The following SLC35F1 variants were observed in gnomAD, a reference collection of about 807,000 sequenced individuals.
The protein encoded by SLC35F1 is solute carrier family 35 member F1.
SLC35F1 carries 14 observed loss-of-function variants against 48.7 expected under a neutral mutation model. The observed-to-expected ratio is 0.29, with a 90% CI of 0.19 to 0.45. The LOEUF (loss-of-function observed/expected upper bound fraction) is 0.45, where lower values mean the gene tolerates loss of function less well. Among genes scored for constraint, SLC35F1 ranks in the 20% least tolerant of loss-of-function variants. SLC35F1 has a pLI of 1.00. For missense variants in SLC35F1, 404 were observed against 500.0 expected (o/e 0.81, Z 1.83); for synonymous variants, 190 against 202.2 (o/e 0.94, Z 0.51).
intron 4 of SLC35F1, among the ~76,000 whole-genome samples, chr6:118,268,777 T>G (rs1446580822): frequency 6.6e-6 from 1 of 151,586 alleles, no homozygotes; most frequent in East Asian, 1.9e-4. Context: ...ACCCAGCTAA[T>G]TTTTGTATTT....
chr6:117,989,999 A>G (rs968032428), intron 1 of SLC35F1, among the ~76,000 whole-genome samples: 5 of 152,136 alleles, frequency 3.3e-5, no homozygotes, highest in East Asian at 1.9e-4. Context: ...CCAACTTAGC[A>G]TATCGTCCTG....
intron 1 of SLC35F1, among the ~76,000 whole-genome samples, chr6:117,933,525 C>T (rs759928217): frequency 1.3e-5 from 2 of 152,138 alleles, no homozygotes; most frequent in Admixed American, 6.5e-5. Context: ...TATAAATCCA[C>T]GTAAATTATT....
intron 1 of SLC35F1, among the ~76,000 whole-genome samples, chr6:118,026,793 C>A (rs890840004): frequency 2.0e-5 from 3 of 152,054 alleles, no homozygotes; most frequent in African/African-American, 4.8e-5. Context: ...AAAAAGAAGC[C>A]TTGGTTTTTT....
intron 1 of SLC35F1, among the ~76,000 whole-genome samples, chr6:118,067,082 A>C (rs886315519): frequency 6.6e-6 from 1 of 152,196 alleles, no homozygotes; most frequent in Non-Finnish European, 1.5e-5. Flanking sequence ...TAAAGTTCAA[A>C]CATATTTTAA....
intron 1 of SLC35F1, among the ~76,000 whole-genome samples, chr6:117,923,484 A>T (rs543004177): frequency 5.3e-5 from 4 of 76,050 alleles, no homozygotes; most frequent in Admixed American, 2.0e-4. Flanking sequence ...ACATACATGT[A>T]TATATATATA....
intron 1 of SLC35F1, among the ~76,000 whole-genome samples, chr6:117,994,958 A>T (rs1182428038): frequency 1.3e-5 from 2 of 152,198 alleles, no homozygotes; most frequent in African/African-American, 2.4e-5. Context: ...TGTAACTGAC[A>T]TTTCAATCTG....
intron 2 of SLC35F1, among the ~76,000 whole-genome samples, chr6:118,199,032 C>G (rs2114533080): frequency 6.6e-6 from 1 of 152,276 alleles, no homozygotes; most frequent in African/African-American, 2.4e-5. Flanking sequence ...CAGATGGATT[C>G]TTATTTACAC....
intron 7 of SLC35F1, among the ~76,000 whole-genome samples, chr6:118,291,401 C>T (rs977008210): frequency 1.7e-4 from 26 of 152,160 alleles, no homozygotes; most frequent in African/African-American, 6.0e-4. Context: ...AAATTGGTCA[C>T]TTGTCTTTTT....
At chr6:118,201,205 T>G (rs914069283) in intron 2 of SLC35F1, among the ~76,000 whole-genome samples, 8 of 152,194 alleles carry the variant, frequency 5.3e-5, no homozygotes, top group African/African-American at 1.9e-4. Flanking sequence ...AAAAAGATTC[T>G]CTGTGCCAAA....
intron 3 of SLC35F1, among the ~76,000 whole-genome samples, chr6:118,241,960 T>C (rs1437012362): frequency 6.6e-6 from 1 of 152,244 alleles, no homozygotes. Flanking sequence ...AGAATTTGTT[T>C]AACTATTTAC....
At chr6:118,190,091 T>C (rs1774711765) in intron 2 of SLC35F1, among the ~76,000 whole-genome samples, 1 of 152,204 alleles carries the variant, frequency 6.6e-6, no homozygotes, top group South Asian at 2.1e-4. Context: ...GCTTTAACAA[T>C]TCCCCCCTTT....
chr6:118,162,852 G>GCTTA (rs1774258110), intron 2 of SLC35F1, among the ~76,000 whole-genome samples: 1 of 152,122 alleles, frequency 6.6e-6, no homozygotes, highest in Admixed American at 6.5e-5. Flanking sequence ...TGCTTACAGT[G>GCTTA]CTTACAGGGT....
intron 1 of SLC35F1, among the ~76,000 whole-genome samples, chr6:118,080,626 G>A (rs1772893850): frequency 6.6e-6 from 1 of 152,172 alleles, no homozygotes; most frequent in East Asian, 1.9e-4. Context: ...AGCTATTAGA[G>A]GCTAAGCCAG....
intron 1 of SLC35F1, among the ~76,000 whole-genome samples, chr6:118,134,868 T>C (rs926407023): frequency 6.6e-6 from 1 of 152,172 alleles, no homozygotes; most frequent in African/African-American, 2.4e-5. Flanking sequence ...TGCTGCCTCC[T>C]CCTCCCCTTC....
At chr6:118,026,651 A>T (rs893161824) in intron 1 of SLC35F1, among the ~76,000 whole-genome samples, 1 of 152,168 alleles carries the variant, frequency 6.6e-6, no homozygotes, top group Non-Finnish European at 1.5e-5. Context: ...TGTTTTTATT[A>T]TTCAAAGGAT....
At chr6:117,937,072 T>C (rs1349642266) in intron 1 of SLC35F1, among the ~76,000 whole-genome samples, 1 of 152,208 alleles carries the variant, frequency 6.6e-6, no homozygotes, top group Non-Finnish European at 1.5e-5. Context: ...AGAGGTCCCA[T>C]AAGGAAGTGA....
At chr6:117,941,657 T>C (rs1232995233) in intron 1 of SLC35F1, among the ~76,000 whole-genome samples, 1 of 152,260 alleles carries the variant, frequency 6.6e-6, no homozygotes, top group African/African-American at 2.4e-5. Context: ...ATTTGGTTAC[T>C]AATATTGCAA....
intron 3 of SLC35F1, among the ~76,000 whole-genome samples, chr6:118,261,858 G>T (rs1171798374): frequency 6.6e-6 from 1 of 152,118 alleles, no homozygotes; most frequent in Non-Finnish European, 1.5e-5. Context: ...GCTGGGATGT[G>T]CCAGCAGTTG....
At chr6:118,285,726 C>T (rs1167391476) in intron 7 of SLC35F1, among the ~76,000 whole-genome samples, 1 of 152,186 alleles carries the variant, frequency 6.6e-6, no homozygotes, top group Admixed American at 6.5e-5. Flanking sequence ...AGTATGTTCT[C>T]TTTGGAGAAA....
Sources: allele counts gnomAD v4.1 joint callset (sites outside exome capture counted in the v4.1 genomes callset), GRCh38; gene constraint gnomAD v4.1.1; transcripts MANE v1.5; gene names NCBI Gene and HGNC (gene_info 2026-07-23, HGNC 2026-07-21).